The following STUM variants were observed in gnomAD, a reference collection of about 807,000 sequenced individuals.
STUM encodes stum, mechanosensory transduction mediator homolog, also known as protein stum homolog.
In STUM, 8 loss-of-function variants were observed where a neutral mutation model predicts 15.3. The ratio of observed to expected loss-of-function variants is 0.52; its 90% CI spans 0.31 to 0.94. The LOEUF (loss-of-function observed/expected upper bound fraction) is 0.94, where lower values mean the gene tolerates loss of function less well. Among genes scored for constraint, STUM ranks in the 40% least tolerant of loss-of-function variants. STUM has a pLI of 0.05. For synonymous variants in STUM, 78 were observed against 88.7 expected (o/e 0.88, Z 0.68); for missense variants, 142 against 204.9 (o/e 0.69, Z 1.87).
intron 1 of STUM, among the ~76,000 whole-genome samples, chr1:226,562,021 A>G: frequency 1.5e-5 from 2 of 136,352 alleles, no homozygotes; most frequent in Non-Finnish European, 1.6e-5. Context: ...GGTTGGGGGG[A>G]AGTGGGGAGT....
At chr1:226,597,468 T>G in intron 2 of STUM, 1 of 472,364 alleles carries the variant, frequency 2.1e-6, no homozygotes. Flanking sequence ...CTCAGGCACT[T>G]TGCCTTCACT....
At chr1:226,583,799 G>T (rs1667953190) in intron 1 of STUM, among the ~76,000 whole-genome samples, 1 of 152,200 alleles carries the variant, frequency 6.6e-6, no homozygotes. Context: ...AGGGCTCTGG[G>T]ACGGGGGATG....
In STUM at chr1:226,603,337, T is replaced by C. The variant is rs542417961; in HGVS notation, c.*1297T>C. 5.9e-5 allele frequency: 9 copies of C among 152,378 alleles called. No homozygotes were observed. The East Asian group carries it at 1.5e-3, about 26-fold the overall frequency. 9.4% of individuals were successfully genotyped at this position (152,378 alleles called of 1,614,324 possible). A position where few individuals can be genotyped will look rare whatever the true frequency, so the allele number is the denominator to read the frequency against. ...ATGGGGGCTAGGGGTGGGGAGAATC[T>C]AGCAGAAGTTGTCCAGGATACTGTG... On this transcript the variant is annotated 3_prime_UTR_variant, in exon 4 of 4. Coordinates refer to ENST00000366788, the MANE Select transcript of STUM (RefSeq NM_001003665.4).
At chr1:226,558,376 G>A (rs1161928114) in intron 1 of STUM, among the ~76,000 whole-genome samples, 2 of 152,122 alleles carry the variant, frequency 1.3e-5, no homozygotes, top group Non-Finnish European at 2.9e-5. Flanking sequence ...GTGGCAACTG[G>A]GGGTGGACAG....
At chr1:226,601,945 C>T (rs753174771) in intron 3 of STUM, 61 bp from the exon 4 acceptor site, 3 of 1,498,164 alleles carry the variant, frequency 2.0e-6, no homozygotes, top group South Asian at 2.3e-5. Flanking sequence ...AGGGGCACCT[C>T]CTGGAGAAAT....
intron 1 of STUM, among the ~76,000 whole-genome samples, chr1:226,591,033 T>C (rs914364216): frequency 1.1e-4 from 16 of 152,338 alleles, no homozygotes; most frequent in African/African-American, 3.8e-4. Flanking sequence ...TGGCGCTCAA[T>C]AGAATAAATT....
chr1:226,562,549 A>G (rs1667560161), intron 1 of STUM, among the ~76,000 whole-genome samples: 1 of 152,138 alleles, frequency 6.6e-6, no homozygotes, highest in Non-Finnish European at 1.5e-5. Context: ...CAAGGGACCG[A>G]CATCATGTAC....
rs776944856 is a variant in STUM, at chr1:226,548,980, T to A, written c.76T>A (p.Ser26Thr). The A allele has an allele frequency of 6.6e-7, 1 of 1,522,630 alleles. No individual in the cohort carries two copies. The allele number at this position is 1,522,630 out of a possible 1,614,324, so 94.3% of individuals were successfully genotyped here. A position where few individuals can be genotyped will look rare whatever the true frequency, so the allele number is the denominator to read the frequency against. Reference protein sequence around the residue: ...AVAAADPRGASSSSGVVVQVR... With the variant: ...AVAAADPRGATSSSGVVVQVR... ...GGCGGCGGCGGACCCCCGGGGGGCG[T>A]CCTCGTCCAGCGGGGTGGTGGTGCA... Residue 26 changes from serine to threonine, a missense_variant, in exon 1 of 4, where the codon TCC (serine) becomes ACC (threonine). This residue lies in a region of STUM where 113 missense variants were observed against 134.4 expected (regional missense o/e 0.84). Coordinates refer to ENST00000366788, the MANE Select transcript of STUM (RefSeq NM_001003665.4).
chr1:226,578,686 C>A (rs1667863885), intron 1 of STUM, among the ~76,000 whole-genome samples: 1 of 152,136 alleles, frequency 6.6e-6, no homozygotes, highest in Non-Finnish European at 1.5e-5. Flanking sequence ...TAAAAGGCAG[C>A]CATAACTGGG....
At chr1:226,599,968 G>A (rs1445412043) in intron 2 of STUM, among the ~76,000 whole-genome samples, 1 of 152,196 alleles carries the variant, frequency 6.6e-6, no homozygotes, top group African/African-American at 2.4e-5. Flanking sequence ...TTTTATATAT[G>A]TGGCTCCTCT....
chr1:226,576,273 G>T (rs1667813709), intron 1 of STUM, among the ~76,000 whole-genome samples: 1 of 152,210 alleles, frequency 6.6e-6, no homozygotes, highest in Non-Finnish European at 1.5e-5. Context: ...AAGGGGCTAG[G>T]GGGACAGAAC....
intron 1 of STUM, among the ~76,000 whole-genome samples, chr1:226,559,352 C>T (rs1456579255): frequency 6.6e-6 from 1 of 152,214 alleles, no homozygotes; most frequent in Non-Finnish European, 1.5e-5. Context: ...AATTTACGGA[C>T]AAGGGAAGAA....
intron 1 of STUM, among the ~76,000 whole-genome samples, chr1:226,588,280 T>C (rs666920): frequency 0.73 from 111,248 of 152,084 alleles, 41,261 homozygotes; most frequent in African/African-American, 0.86. Context: ...CCTGCTCAGC[T>C]TCGAACCCTG....
chr1:226,582,918 A>G (rs1667941684), intron 1 of STUM, among the ~76,000 whole-genome samples: 1 of 152,196 alleles, frequency 6.6e-6, no homozygotes, highest in Non-Finnish European at 1.5e-5. Flanking sequence ...TTAGTGGCTT[A>G]AAACAATAGT....
At chr1:226,597,477 CT>C (rs1356914509) in intron 2 of STUM, 1 of 472,260 alleles carries the variant, frequency 2.1e-6, no homozygotes, top group Non-Finnish European at 4.4e-6. Flanking sequence ...TTTGCCTTCA[CT>C]CTGTACCCCA....
At chr1:226,595,362 C>T (rs536861514) in intron 1 of STUM, among the ~76,000 whole-genome samples, 1 of 152,270 alleles carries the variant, frequency 6.6e-6, no homozygotes, top group East Asian at 1.9e-4. Context: ...CTCTCTCGGT[C>T]CACTGGCTCA....
intron 1 of STUM, among the ~76,000 whole-genome samples, chr1:226,550,007 C>T (rs1667345761): frequency 6.6e-6 from 1 of 152,122 alleles, no homozygotes; most frequent in Non-Finnish European, 1.5e-5. Flanking sequence ...TCCCCTCCTC[C>T]AGCTTGGCAC....
intron 1 of STUM, among the ~76,000 whole-genome samples, chr1:226,593,836 G>A (rs891263964): frequency 2.6e-5 from 4 of 152,180 alleles, no homozygotes; most frequent in Admixed American, 6.5e-5. Flanking sequence ...GGAGGGCAGC[G>A]GGGAAGCTTG....
At position 226,548,796 on chromosome 1, in the gene STUM, G is replaced by T. The variant is rs1667314731; in HGVS notation, c.-109G>T. 21 of 942,448 alleles carry T rather than the reference G, an allele frequency of 2.2e-5. No homozygotes were observed. Among genetic ancestry groups the T allele is most frequent in the South Asian group, 1.5e-4 (3 of 20,434 alleles). 58.4% of individuals were successfully genotyped at this position (942,448 alleles called of 1,614,324 possible). On this transcript the variant is annotated 5_prime_UTR_variant, in exon 1 of 4. Coordinates refer to ENST00000366788, the MANE Select transcript of STUM (RefSeq NM_001003665.4). ...GCGCGGCGCACGGAGCACGGCGGCC[G>T]CCTGAGCTCGGCGCGGAGCCCGGAG...
Sources: allele counts gnomAD v4.1 joint callset (sites outside exome capture counted in the v4.1 genomes callset), GRCh38; gene constraint gnomAD v4.1.1; regional missense constraint gnomAD v4.1.1; transcripts MANE v1.5; gene names NCBI Gene and HGNC (gene_info 2026-07-23, HGNC 2026-07-21).